Variants in GLI3 observed in about 807,000 individuals in gnomAD.
The protein encoded by GLI3 is GLI family zinc finger 3, also known as transcription activator GLI3.
A neutral mutation model predicts 100.8 loss-of-function variants in GLI3; 20 were observed. The observed-to-expected ratio is 0.20, with a 90% CI of 0.14 to 0.29. The LOEUF (loss-of-function observed/expected upper bound fraction) is 0.29, where lower values mean the gene tolerates loss of function less well. Among genes scored for constraint, GLI3 ranks in the 10% least tolerant of loss-of-function variants. The pLI is 1.00. For synonymous variants in GLI3, 938 were observed against 860.5 expected (o/e 1.09, Z -1.58); for missense variants, 2,040 against 2,128.5 (o/e 0.96, Z 0.82).
At chr7:42,203,852 A>G (rs1241411655) in intron 2 of GLI3, among the ~76,000 whole-genome samples, 2 of 152,122 alleles carry the variant, frequency 1.3e-5, no homozygotes, top group Non-Finnish European at 2.9e-5. Flanking sequence ...TACAAAAGTT[A>G]GCTGGATGTA....
rs192561374 is a variant in GLI3, at chr7:42,014,575, C to T, written c.1497+8893G>A. On this transcript the variant is annotated intron_variant, in intron 10 of 14. Transcript: ENST00000395925. ...TTCTGCAATGGTCTTTCTGTGTTTA[C>T]ATCCACCAGTTTATTCCATACCATG... 4.6e-5 allele frequency among the ~76,000 whole-genome samples: 7 copies of T among 152,320 alleles called. No individual in the cohort carries two copies. In the Middle Eastern group the frequency reaches 0.01, roughly 222 times the overall value.
chr7:41,985,909 T>A (rs535235844), intron 10 of GLI3, among the ~76,000 whole-genome samples: 74 of 152,338 alleles, frequency 4.9e-4, no homozygotes, highest in Admixed American at 9.1e-4. Flanking sequence ...ATTGTTTTGG[T>A]GGCACCCATC....
chr7:42,122,914 A>G (rs1389365531), intron 3 of GLI3, among the ~76,000 whole-genome samples: 3 of 152,234 alleles, frequency 2.0e-5, no homozygotes, highest in African/African-American at 7.2e-5. Context: ...AGTGTCTTTT[A>G]GACCTTACGA....
At chr7:42,038,928 C>A (rs910855289) in intron 7 of GLI3, among the ~76,000 whole-genome samples, 1 of 152,114 alleles carries the variant, frequency 6.6e-6, no homozygotes, top group African/African-American at 2.4e-5. Context: ...GAACAACTAA[C>A]GCTACCGCTC....
intron 10 of GLI3, among the ~76,000 whole-genome samples, chr7:42,018,080 C>T (rs78213845): frequency 0.074 from 11,313 of 152,220 alleles, 490 homozygotes; most frequent in Non-Finnish European, 0.096. Context: ...GGGCTCTGGC[C>T]GGTGGACCAC....
chr7:42,099,143 A>T (rs939796968), intron 3 of GLI3, among the ~76,000 whole-genome samples: 1 of 152,158 alleles, frequency 6.6e-6, no homozygotes, highest in Non-Finnish European at 1.5e-5. Flanking sequence ...CACTATCCAC[A>T]TAGGGATCCC....
intron 2 of GLI3, among the ~76,000 whole-genome samples, chr7:42,186,802 C>T (rs1255233715): frequency 2.6e-5 from 4 of 152,120 alleles, no homozygotes; most frequent in African/African-American, 9.7e-5. Context: ...TTTTATAAAC[C>T]ACCACATCTC....
chr7:42,048,159 A>G (rs1234547465), intron 5 of GLI3, among the ~76,000 whole-genome samples: 1 of 152,240 alleles, frequency 6.6e-6, no homozygotes, highest in Non-Finnish European at 1.5e-5. Context: ...TATGTGAAGC[A>G]GCAGAACAGA....
chr7:42,213,054 T>C (rs184176897), intron 2 of GLI3, among the ~76,000 whole-genome samples: 1 of 152,302 alleles, frequency 6.6e-6, no homozygotes, highest in East Asian at 1.9e-4. Flanking sequence ...TTACCCAACA[T>C]ACCTACCTGG....
At chr7:42,214,109 T>C (rs753418906) in intron 2 of GLI3, among the ~76,000 whole-genome samples, 1 of 152,246 alleles carries the variant, frequency 6.6e-6, no homozygotes, top group Non-Finnish European at 1.5e-5. Context: ...ATTTCATTAA[T>C]GCAGCACCCA....
intron 13 of GLI3, among the ~76,000 whole-genome samples, chr7:41,969,401 G>A (rs910172525): frequency 3.3e-5 from 5 of 152,170 alleles, no homozygotes; most frequent in African/African-American, 9.7e-5. Flanking sequence ...AGGGCTCTTC[G>A]CAGTGGAACC....
At chr7:42,142,361 T>C (rs1786589445) in intron 3 of GLI3, among the ~76,000 whole-genome samples, 1 of 152,174 alleles carries the variant, frequency 6.6e-6, no homozygotes, top group Non-Finnish European at 1.5e-5. Flanking sequence ...AAGAGAGGAC[T>C]GGACCAGTGC....
chr7:42,113,728 C>A, intron 3 of GLI3: 1 of 626,070 alleles, frequency 1.6e-6, no homozygotes, highest in Non-Finnish European at 2.9e-6. Flanking sequence ...TTACTTTAAG[C>A]TATGTTGTTA....
At chr7:42,203,304 T>C (rs2128693847) in intron 2 of GLI3, among the ~76,000 whole-genome samples, 1 of 152,284 alleles carries the variant, frequency 6.6e-6, no homozygotes, top group East Asian at 1.9e-4. Context: ...TAACTATAGT[T>C]ACCATGCCGT....
At chr7:42,258,601 A>T (rs1019998123) in intron 1 of GLI3, among the ~76,000 whole-genome samples, 1 of 152,246 alleles carries the variant, frequency 6.6e-6, no homozygotes, top group African/African-American at 2.4e-5. Context: ...TAAGTGGCTT[A>T]TACAGAATAG....
intron 11 of GLI3, among the ~76,000 whole-genome samples, 171 bp downstream of exon 11, chr7:41,978,428 G>A (rs1398928767): frequency 2.0e-5 from 3 of 152,126 alleles, no homozygotes; most frequent in Non-Finnish European, 4.4e-5. Context: ...GCAGAGCTGC[G>A]CTGTCCAACT....
At chr7:41,996,779 T>C (rs757230435) in intron 10 of GLI3, among the ~76,000 whole-genome samples, 1 of 152,228 alleles carries the variant, frequency 6.6e-6, no homozygotes, top group Non-Finnish European at 1.5e-5. Context: ...TTCAATATTC[T>C]ACTTAAGGTC....
chr7:42,024,939 G>A (rs908724489), intron 9 of GLI3, among the ~76,000 whole-genome samples: 3 of 152,134 alleles, frequency 2.0e-5, no homozygotes, highest in African/African-American at 4.8e-5. Context: ...AGGCCTGGTC[G>A]CACCTGTGGC....
At chr7:42,108,901 C>A (rs943077321) in intron 3 of GLI3, among the ~76,000 whole-genome samples, 28 of 152,106 alleles carry the variant, frequency 1.8e-4, no homozygotes, top group Admixed American at 1.6e-3. Flanking sequence ...CCACCCTCCA[C>A]CAGCAGTCAT....
Sources: gnomAD v4.1 joint callset for allele counts (sites outside exome capture counted in the v4.1 genomes callset) on GRCh38, gnomAD v4.1.1 for gene constraint, MANE v1.5 for transcripts, NCBI Gene and HGNC (gene_info 2026-07-23, HGNC 2026-07-21) for gene names.